NCBP3: variants seen among roughly 807,000 people sequenced by gnomAD.
The protein encoded by NCBP3 is nuclear cap-binding protein subunit 3.
NCBP3 carries 20 observed loss-of-function variants against 75.7 expected under a neutral mutation model. The ratio of observed to expected loss-of-function variants is 0.26; its 90% CI spans 0.19 to 0.38. NCBP3 has a LOEUF of 0.38. Among genes scored for constraint, NCBP3 ranks in the 10% least tolerant of loss-of-function variants. The pLI, the probability that NCBP3 is intolerant of heterozygous loss-of-function variation, is 1.00. For synonymous variants in NCBP3, 293 were observed against 290.5 expected (o/e 1.01, Z -0.09); for missense variants, 678 against 796.9 (o/e 0.85, Z 1.80).
chr17:3,844,724 C>T lies in NCBP3; in HGVS notation c.183+1317G>A, dbSNP rs150561298. 7.9e-3 allele frequency among the ~76,000 whole-genome samples: 1,207 copies of T among 152,264 alleles called. 15 individuals are homozygous for T. The highest frequency in any genetic ancestry group is 0.027 in the African/African-American group (1,132 of 41,544). ...AATTAGCCGGGCACGGTGGCACATC[C>T]CTGTAATCTCAACTACTTGGGAGGC... On this transcript the variant is annotated intron_variant, in intron 1 of 12. Transcript: ENST00000389005.
In NCBP3 at chr17:3,846,089, G is replaced by T. The variant is rs2143731554; in HGVS notation, c.135C>A (p.Gly45=). 1.3e-6 allele frequency: 2 copies of T among 1,548,844 alleles called. No homozygotes were observed. The highest frequency in any genetic ancestry group is 2.4e-5 in the South Asian group (2 of 84,010). ...GEPEPMEVEE[G]ELEIVPVRRS... ...GCCGCACAGGCACGATTTCCAGCTC[G>T]CCCTCCTCCACCTCCATGGGCTCCG... Residue 45 remains glycine (G), a synonymous_variant, in exon 1 of 13, where the codon GGC becomes GGA. Transcript: ENST00000389005. The surrounding 1 kb of genome is among the most constrained non-coding windows in gnomAD (Gnocchi z 4.6).
intron 1 of NCBP3, 40 bp from the exon 2 acceptor site, chr17:3,843,191 T>C (rs1567597440): frequency 9.2e-6 from 14 of 1,515,042 alleles, no homozygotes; most frequent in Non-Finnish European, 1.2e-5. Flanking sequence ...AGACAGCAAT[T>C]GAGGAAAAAC....
chr17:3,818,344 A>G lies in NCBP3; in HGVS notation c.1229T>C (p.Met410Thr). 6.2e-7 allele frequency: 1 copy of G among 1,614,114 alleles called. No individual in the cohort carries two copies. The change falls in exon 10 of 13, where the codon ATG becomes ACG. Residue 410 changes from methionine to threonine, a missense_variant. Physicochemically the swap from Met to Thr is moderately conservative, Grantham distance 81. This residue lies in a region of NCBP3 where 365 missense variants were observed against 392.7 expected (regional missense o/e 0.93). Coordinates refer to ENST00000389005, the MANE Select transcript of NCBP3 (RefSeq NM_001114118.3). This position sits in a 1 kb window ranked among gnomAD's most constrained non-coding sequence, Gnocchi z 4.7. ...TTTCTTTGGTGAAGGCGTGGAAATC[A>G]TTTTCAGTTCTAGATCATAGTCCAT... ...DEMDYDLELKMISTPSPKKSM... is the reference protein window; with the variant it reads ...DEMDYDLELKTISTPSPKKSM...
At chr17:3,817,610 C>T (rs1419307270) in intron 10 of NCBP3, among the ~76,000 whole-genome samples, 3 of 151,912 alleles carry the variant, frequency 2.0e-5, no homozygotes, top group Non-Finnish European at 4.4e-5. Context: ...GCCTGGGTGA[C>T]AGAGCGAGAC....
At position 3,810,867 on chromosome 17, in the gene NCBP3, G is replaced by A. The variant is rs1156248374; in HGVS notation, c.*2177C>T. The A allele has an allele frequency of 6.6e-6, 1 of 152,330 alleles. No homozygotes were observed. The highest frequency in any genetic ancestry group is 2.4e-5 in the African/African-American group (1 of 41,454). 9.4% of individuals were successfully genotyped at this position (152,330 alleles called of 1,614,324 possible). A position where few individuals can be genotyped will look rare whatever the true frequency, so the allele number is the denominator to read the frequency against. On this transcript the variant is annotated 3_prime_UTR_variant, in exon 13 of 13. Transcript: ENST00000389005. ...GCAGGAGACTGCTGAGTGCTGAAAG[G>A]CCGTGGAACAAATGGACCTGAGCTG...
rs2143613201 is a variant in NCBP3 at position 3,806,511 on chromosome 17, CG to C, written c.*6532del. 1 of 152,216 alleles carries C rather than the reference CG, an allele frequency of 6.6e-6. No homozygotes were observed. Among genetic ancestry groups the C allele is most frequent in the East Asian group, 1.9e-4 (1 of 5,190 alleles). The allele number at this position is 152,216 out of a possible 1,614,324, so 9.4% of individuals were successfully genotyped here. A position where few individuals can be genotyped will look rare whatever the true frequency, so the allele number is the denominator to read the frequency against. ...GAACCTGGTCATCCAGAGAGGGCCC[CG>C]GAATTGCTCAAATGAACAGTAAGAA... is the stretch of plus-strand genomic sequence containing the variant. On this transcript the variant is annotated 3_prime_UTR_variant, in exon 13 of 13. Coordinates refer to ENST00000389005, the MANE Select transcript of NCBP3 (RefSeq NM_001114118.3).
Position 3,812,591 on chromosome 17 carries a change from C to G in NCBP3, c.*453G>C. The stretch of plus-strand genomic sequence containing the variant: ...GCTGGCCGCTTCCCTCCTCTTCCCC[C>G]TCGAAGGATGTCCAATAAGCACCTG... On this transcript the variant is annotated 3_prime_UTR_variant, in exon 13 of 13. Coordinates refer to ENST00000389005, the MANE Select transcript of NCBP3 (RefSeq NM_001114118.3). 1 of 1,013,378 alleles carries G rather than the reference C, an allele frequency of 9.9e-7. No individual in the cohort carries two copies. The highest frequency in any genetic ancestry group is 1.2e-6 in the Non-Finnish European group (1 of 846,758). 62.8% of individuals were successfully genotyped at this position (1,013,378 alleles called of 1,614,324 possible).
Position 3,825,831 on chromosome 17 carries a change from T to C in NCBP3, c.623A>G (p.Asp208Gly). 1 of 1,551,224 alleles carries C rather than the reference T, an allele frequency of 6.4e-7. No individual in the cohort carries two copies. Among genetic ancestry groups the C allele is most frequent in the South Asian group, 1.2e-5 (1 of 84,042 alleles). ...AEKRKKDKQE[D>G]SSDDDEAEEG... ...TTCAGCTTCATCATCATCTGAACTG[T>C]CTTCCTGCTTGTCTAAAATGGAATG... Residue 208 changes from aspartate (D) to glycine (G), a missense_variant, in exon 6 of 13, where the codon GAC (aspartate) becomes GGC (glycine). Asp to Gly is a moderately conservative substitution (Grantham distance 94). Transcript: ENST00000389005.
intron 9 of NCBP3, among the ~76,000 whole-genome samples, chr17:3,819,922 A>G (rs62070427): frequency 0.17 from 26,034 of 152,158 alleles, 2,880 homozygotes; most frequent in Non-Finnish European, 0.24. Context: ...TCAAATTGGA[A>G]AAGTGTAACT....
intron 3 of NCBP3, among the ~76,000 whole-genome samples, chr17:3,830,830 G>A (rs532365752): frequency 4.6e-5 from 7 of 151,858 alleles, no homozygotes; most frequent in South Asian, 2.1e-4. Context: ...TGATCCACCC[G>A]CCTTGGCCTC....
chr17:3,831,830 A>G (rs188539672), intron 3 of NCBP3, among the ~76,000 whole-genome samples: 1 of 121,710 alleles, frequency 8.2e-6, no homozygotes, highest in African/African-American at 2.5e-5. Context: ...GTCAATAATA[A>G]TTTAATTGTA....
chr17:3,830,871 C>T (rs2436081), intron 3 of NCBP3, among the ~76,000 whole-genome samples: 20,004 of 151,746 alleles, frequency 0.13, 1,817 homozygotes, highest in South Asian at 0.3. Flanking sequence ...GTGTGAGCCA[C>T]GGCGCCCAGC....
intron 7 of NCBP3, chr17:3,822,293 T>C: frequency 2.6e-6 from 1 of 383,820 alleles, no homozygotes; most frequent in Non-Finnish European, 4.6e-6. Flanking sequence ...GATGACTTAA[T>C]GGAGAAAACA....
rs2053326594 is a variant in NCBP3, at chr17:3,805,450, C to G, written c.*7594G>C. ...GGAAGTAATTAAGGTTAGATGAGGT[C>G]ATAATCCAGCAAGATTGGTGGCCTT... On this transcript the variant is annotated 3_prime_UTR_variant, in exon 13 of 13. Transcript: ENST00000389005. The G allele has an allele frequency of 6.6e-6, 1 of 152,156 alleles. No homozygotes were observed. Among genetic ancestry groups the G allele is most frequent in the South Asian group, 2.1e-4 (1 of 4,828 alleles). 9.4% of individuals were successfully genotyped at this position (152,156 alleles called of 1,614,324 possible). A position where few individuals can be genotyped will look rare whatever the true frequency, so the allele number is the denominator to read the frequency against.
intron 6 of NCBP3, among the ~76,000 whole-genome samples, chr17:3,825,414 T>C (rs2053766242): frequency 6.6e-6 from 1 of 152,250 alleles, no homozygotes; most frequent in East Asian, 1.9e-4. Flanking sequence ...TAATAGGTAC[T>C]CAGTAAATAT....
At chr17:3,833,730 G>A (rs1333035079) in intron 3 of NCBP3, among the ~76,000 whole-genome samples, 1 of 152,086 alleles carries the variant, frequency 6.6e-6, no homozygotes, top group Non-Finnish European at 1.5e-5. Context: ...TCACCTGTAT[G>A]TAGGTTTTTT....
Position 3,840,121 on chromosome 17 carries a change from C to G in NCBP3, c.334G>C (p.Asp112His). 6.4e-7 allele frequency: 1 copy of G among 1,551,554 alleles called. No individual in the cohort carries two copies. The highest frequency in any genetic ancestry group is 8.7e-7 in the Non-Finnish European group (1 of 1,146,892). Residue 112 changes from aspartate to histidine, a missense_variant, in exon 3 of 13, where the codon GAC becomes CAC. This residue lies in a region of NCBP3 where 40 missense variants were observed against 41.3 expected (regional missense o/e 0.97). Transcript: ENST00000389005. ...GTACCTTTCTTCATCATGTCTCGGT[C>G]CAAGGCTACATTTCTTTGGGCAAGA... ...VNLAQRNVAL[D>H]RDMMKKAIPK...
Position 3,846,241 on chromosome 17 carries a change from A to C in NCBP3, c.-18T>G. The C allele has an allele frequency of 7.1e-7, 1 of 1,413,200 alleles. No individual in the cohort carries two copies. The highest frequency in any genetic ancestry group is 9.2e-7 in the Non-Finnish European group (1 of 1,092,548). 87.5% of individuals were successfully genotyped at this position (1,413,200 alleles called of 1,614,324 possible). ...GCCGCCATCGCTGCCTGCCGGCCGC[A>C]CCACTGAGAGCCCGCCCCTCACGGC... On this transcript the variant is annotated 5_prime_UTR_variant, in exon 1 of 13. Transcript: ENST00000389005. The surrounding 1 kb of genome is among the most constrained non-coding windows in gnomAD (Gnocchi z 4.6).
At chr17:3,817,515 G>A (rs1300407793) in intron 10 of NCBP3, among the ~76,000 whole-genome samples, 10 of 152,164 alleles carry the variant, frequency 6.6e-5, no homozygotes, top group African/African-American at 2.4e-4. Context: ...TGTAGTCCCA[G>A]CTACTCGGGA....
Sources: gnomAD v4.1 joint callset for allele counts (sites outside exome capture counted in the v4.1 genomes callset) on GRCh38, gnomAD v4.1.1 for gene constraint, gnomAD v4.1.1 regional missense constraint, Gnocchi (gnomAD v3.1) non-coding constraint, MANE v1.5 for transcripts, NCBI Gene and HGNC (gene_info 2026-07-23, HGNC 2026-07-21) for gene names.